CNTN4: variants seen among roughly 807,000 people sequenced by gnomAD.
CNTN4 encodes contactin 4, also known as contactin-4.
In CNTN4, 77 loss-of-function variants were observed where a neutral mutation model predicts 122.5. That is an observed-to-expected ratio of 0.63 (90% CI 0.52 to 0.76). The LOEUF (loss-of-function observed/expected upper bound fraction) is 0.76. CNTN4 is among the 30% of genes least tolerant of loss of function. The pLI, the probability that CNTN4 is intolerant of heterozygous loss-of-function variation, is 0.00. For missense variants in CNTN4, 1,256 were observed against 1,259.1 expected, an observed-to-expected ratio of 1.00 and a Z score of 0.04; for synonymous variants, 512 against 447.0, an observed-to-expected ratio of 1.15 and a Z score of -1.83.
At chr3:2,655,143 A>G (rs1033221481) in intron 4 of CNTN4, among the ~76,000 whole-genome samples, 1 of 152,186 alleles carries the variant, frequency 6.6e-6, no homozygotes, top group East Asian at 1.9e-4. Context: ...AGGAATTTAG[A>G]AAATATGTTT....
intron 12 of CNTN4, among the ~76,000 whole-genome samples, chr3:2,922,509 A>T (rs2094438081): frequency 6.6e-6 from 1 of 152,216 alleles, no homozygotes; most frequent in Non-Finnish European, 1.5e-5. Context: ...ATTTTCCCTT[A>T]AAAGTACCAC....
At chr3:2,750,081 A>G (rs895679115) in intron 6 of CNTN4, among the ~76,000 whole-genome samples, 2 of 152,192 alleles carry the variant, frequency 1.3e-5, no homozygotes, top group African/African-American at 4.8e-5. Flanking sequence ...CCTGGCCTGT[A>G]TCTTTTTAAA....
At chr3:2,998,172 G>A (rs1249370111) in intron 14 of CNTN4, among the ~76,000 whole-genome samples, 2 of 152,110 alleles carry the variant, frequency 1.3e-5, no homozygotes, top group Admixed American at 1.3e-4. Context: ...TGTGCAATTT[G>A]TACCAACACT....
intron 2 of CNTN4, among the ~76,000 whole-genome samples, chr3:2,263,868 A>G (rs1608378): frequency 0.57 from 80,417 of 140,328 alleles, 21,822 homozygotes; most frequent in South Asian, 0.69. Flanking sequence ...ATATAAGTGA[A>G]AATATGTGTT....
At chr3:2,235,679 G>A (rs1575140982) in intron 2 of CNTN4, among the ~76,000 whole-genome samples, 1 of 152,018 alleles carries the variant, frequency 6.6e-6, no homozygotes. Flanking sequence ...TCAGTAAAAT[G>A]ATCCCACTAG....
At chr3:2,997,678 A>ATC (rs1166865299) in intron 14 of CNTN4, among the ~76,000 whole-genome samples, 1 of 152,220 alleles carries the variant, frequency 6.6e-6, no homozygotes, top group African/African-American at 2.4e-5. Flanking sequence ...CATTTTCATC[A>ATC]TCTCTCTCTG....
At chr3:2,359,622 C>T (rs2045033550) in intron 3 of CNTN4, among the ~76,000 whole-genome samples, 1 of 152,238 alleles carries the variant, frequency 6.6e-6, no homozygotes, top group African/African-American at 2.4e-5. Flanking sequence ...TCACTGCAAG[C>T]CCCGCCTCCC....
At chr3:2,344,278 A>AAT (rs2044316146) in intron 3 of CNTN4, among the ~76,000 whole-genome samples, 1 of 145,940 alleles carries the variant, frequency 6.9e-6, no homozygotes, top group African/African-American at 2.5e-5. Context: ...GCCAGGTCAA[A>AAT]TTTTTTTTTT....
At chr3:2,535,071 A>G (rs1341986838) in intron 3 of CNTN4, among the ~76,000 whole-genome samples, 2 of 152,124 alleles carry the variant, frequency 1.3e-5, no homozygotes, top group African/African-American at 4.8e-5. Context: ...TCCCATTCCC[A>G]CTTTTCTTGA....
chr3:2,411,565 T>C (rs1019923650), intron 3 of CNTN4, among the ~76,000 whole-genome samples: 1 of 152,148 alleles, frequency 6.6e-6, no homozygotes, highest in African/African-American at 2.4e-5. Flanking sequence ...ATAAGGAAGT[T>C]TGATTCTTTA....
At chr3:2,981,300 C>T (rs1411335944) in intron 13 of CNTN4, among the ~76,000 whole-genome samples, 7 of 151,604 alleles carry the variant, frequency 4.6e-5, no homozygotes, top group South Asian at 2.1e-4. Flanking sequence ...AAAAATTAGC[C>T]GGGCGTGGTG....
chr3:2,587,079 A>G (rs1195860827), intron 4 of CNTN4, among the ~76,000 whole-genome samples: 4 of 152,170 alleles, frequency 2.6e-5, no homozygotes, highest in Non-Finnish European at 5.9e-5. Context: ...AGTTTTGATT[A>G]TGTTTGTTTA....
intron 3 of CNTN4, among the ~76,000 whole-genome samples, chr3:2,343,411 C>T (rs1180959317): frequency 1.3e-5 from 2 of 152,202 alleles, no homozygotes; most frequent in African/African-American, 2.4e-5. Flanking sequence ...CTCCTGCAAC[C>T]AATCAGACGT....
At chr3:3,050,526 G>A (rs896072679) in intron 23 of CNTN4, among the ~76,000 whole-genome samples, 2 of 152,060 alleles carry the variant, frequency 1.3e-5, no homozygotes, top group South Asian at 2.1e-4. Flanking sequence ...CACTTTGGGA[G>A]GCCGAGGTGG....
intron 11 of CNTN4, 82 bp downstream of exon 11, chr3:2,900,903 G>C: frequency 2.6e-6 from 4 of 1,529,368 alleles, no homozygotes; most frequent in Non-Finnish European, 3.6e-6. Context: ...CGGGAGAATG[G>C]TGAATTGTTT....
chr3:2,370,423 C>G (rs950149281), intron 3 of CNTN4, among the ~76,000 whole-genome samples: 2 of 151,882 alleles, frequency 1.3e-5, no homozygotes, highest in Non-Finnish European at 2.9e-5. Flanking sequence ...TTAGAGTGTA[C>G]CAGAGTACCA....
At chr3:2,833,567 A>G (rs931960002) in intron 7 of CNTN4, among the ~76,000 whole-genome samples, 1 of 152,140 alleles carries the variant, frequency 6.6e-6, no homozygotes, top group African/African-American at 2.4e-5. Context: ...TAGTAAAAAC[A>G]TATTGTACTT....
chr3:2,849,558 C>T (rs2093512077), intron 7 of CNTN4, among the ~76,000 whole-genome samples: 2 of 152,186 alleles, frequency 1.3e-5, no homozygotes, highest in African/African-American at 2.4e-5. Context: ...AACGGCTAGG[C>T]AGTCACTGAT....
At chr3:2,796,708 T>G (rs2092194318) in intron 6 of CNTN4, among the ~76,000 whole-genome samples, 1 of 152,228 alleles carries the variant, frequency 6.6e-6, no homozygotes, top group African/African-American at 2.4e-5. Flanking sequence ...GTTAATTGCT[T>G]AAGTCCTTAC....
Sources: gnomAD v4.1 joint callset for allele counts (sites outside exome capture counted in the v4.1 genomes callset) on GRCh38, gnomAD v4.1.1 for gene constraint, MANE v1.5 for transcripts, NCBI Gene and HGNC (gene_info 2026-07-23, HGNC 2026-07-21) for gene names.